NAALAD2: variants seen among roughly 807,000 people sequenced by gnomAD.
NAALAD2 encodes the protein N-acetylated alpha-linked acidic dipeptidase 2.
NAALAD2 carries 89 observed loss-of-function variants against 95.6 expected under a neutral mutation model. The observed-to-expected ratio is 0.93, with a 90% CI of 0.78 to 1.11. The LOEUF (loss-of-function observed/expected upper bound fraction) is 1.11, where lower values mean the gene tolerates loss of function less well. Among genes scored for constraint, NAALAD2 ranks in the 50% least tolerant of loss-of-function variants. The pLI, the probability that NAALAD2 is intolerant of heterozygous loss-of-function variation, is 0.00. For synonymous variants in NAALAD2, 264 were observed against 294.4 expected, an observed-to-expected ratio of 0.90 and a Z score of 1.06; for missense variants, 894 against 872.4, an observed-to-expected ratio of 1.02 and a Z score of -0.31.
chr11:90,181,917 C>T (rs908615694), intron 17 of NAALAD2, among the ~76,000 whole-genome samples: 3 of 151,870 alleles, frequency 2.0e-5, no homozygotes, highest in African/African-American at 7.3e-5. Context: ...TGCATTTTAA[C>T]TACCACCCCC....
chr11:90,180,641 A>T (rs1023602618), intron 16 of NAALAD2, among the ~76,000 whole-genome samples: 3 of 152,076 alleles, frequency 2.0e-5, no homozygotes, highest in African/African-American at 7.2e-5. Context: ...ATTTGCTTGC[A>T]CCACAGGATT....
chr11:90,172,398 T>C (rs1215762893), intron 13 of NAALAD2, among the ~76,000 whole-genome samples: 1 of 152,190 alleles, frequency 6.6e-6, no homozygotes, highest in African/African-American at 2.4e-5. Flanking sequence ...TTCACCACTG[T>C]TACCTTCTAC....
chr11:90,177,827 T>C (rs1952847637), intron 15 of NAALAD2, 26 bp from the exon 16 acceptor site: 5 of 1,580,352 alleles, frequency 3.2e-6, no homozygotes, highest in Non-Finnish European at 3.4e-6. Flanking sequence ...TGTTTATTTA[T>C]ACTTGCCTCT....
At chr11:90,185,189 A>C (rs1451844631) in intron 18 of NAALAD2, among the ~76,000 whole-genome samples, 1 of 151,512 alleles carries the variant, frequency 6.6e-6, no homozygotes, top group Non-Finnish European at 1.5e-5. Context: ...CTATATATGC[A>C]AATATTTCCA....
chr11:90,181,722 T>G, intron 17 of NAALAD2, 21 bp downstream of exon 17: 1 of 1,394,172 alleles, frequency 7.2e-7, no homozygotes, highest in Non-Finnish European at 9.7e-7. Context: ...AATCCCTTTT[T>G]TTTTAAAAAA....
Position 90,163,399 on chromosome 11 carries a change from G to T in NAALAD2, c.1165G>T (p.Ala389Ser), listed in dbSNP as rs546019162. Residue 389 changes from alanine (A) to serine (S), a missense_variant, in exon 10 of 19, where the codon GCC becomes TCC. Coordinates refer to ENST00000534061, the MANE Select transcript of NAALAD2 (RefSeq NM_005467.4). ...TSGVAVLQEI[A>S]RSFGKLMSKG... ...TGGGGTTGCTGTTTTGCAAGAAATT[G>T]CCCGGAGTTTTGGAAAACTGATGAG... 12 of 1,614,074 alleles carry T rather than the reference G, an allele frequency of 7.4e-6. No individual in the cohort carries two copies. In the African/African-American group the frequency reaches 9.3e-5, roughly 13 times the overall value.
intron 16 of NAALAD2, among the ~76,000 whole-genome samples, chr11:90,179,858 G>T (rs1565546294): frequency 6.6e-6 from 1 of 152,020 alleles, no homozygotes; most frequent in Non-Finnish European, 1.5e-5. Flanking sequence ...GGTTTGATCT[G>T]TTAATTCCTT....
chr11:90,171,023 C>A (rs945027723), intron 13 of NAALAD2, among the ~76,000 whole-genome samples: 1 of 152,090 alleles, frequency 6.6e-6, no homozygotes, highest in African/African-American at 2.4e-5. Flanking sequence ...TAAGTAGTTG[C>A]AAGTCTAAAG....
intron 2 of NAALAD2, among the ~76,000 whole-genome samples, chr11:90,142,224 G>C (rs946364813): frequency 5.3e-5 from 8 of 151,986 alleles, no homozygotes; most frequent in Non-Finnish European, 1.2e-4. Flanking sequence ...ACTAATTTGG[G>C]AGGGGGTCAA....
At chr11:90,146,616 C>T (rs891099998) in intron 2 of NAALAD2, among the ~76,000 whole-genome samples, 2 of 151,920 alleles carry the variant, frequency 1.3e-5, no homozygotes, top group African/African-American at 2.4e-5. Context: ...CCACCCTCCT[C>T]GGCCTCCCAA....
Position 90,192,823 on chromosome 11 carries a change from A to T in NAALAD2, c.*1076A>T. On this transcript the variant is annotated 3_prime_UTR_variant, in exon 19 of 19. Transcript: ENST00000534061. Reference sequence around the variant, plus strand: ...TATCAGAATCTGCAAACTTTTATGCAGATCCCAGTGACTCAATTACATGTT... The same window carrying T: ...TATCAGAATCTGCAAACTTTTATGCTGATCCCAGTGACTCAATTACATGTT... 1 of 152,030 alleles carries T rather than the reference A, an allele frequency of 6.6e-6. No individual in the cohort carries two copies. The highest frequency in any genetic ancestry group is 6.6e-5 in the Admixed American group (1 of 15,238). 9.4% of individuals were successfully genotyped at this position (152,030 alleles called of 1,614,324 possible).
At chr11:90,154,072 T>C (rs1217245234) in intron 6 of NAALAD2, among the ~76,000 whole-genome samples, 1 of 151,786 alleles carries the variant, frequency 6.6e-6, no homozygotes, top group Non-Finnish European at 1.5e-5. Flanking sequence ...TCTCTCTTTC[T>C]TTCTTTCTCT....
chr11:90,168,595 C>T (rs1952546085), intron 11 of NAALAD2, among the ~76,000 whole-genome samples: 2 of 152,158 alleles, frequency 1.3e-5, no homozygotes, highest in Non-Finnish European at 2.9e-5. Context: ...TAGGGCAGGG[C>T]CCTAGAATAT....
intron 13 of NAALAD2, among the ~76,000 whole-genome samples, chr11:90,171,718 G>T (rs1227107479): frequency 2.6e-5 from 4 of 152,150 alleles, no homozygotes; most frequent in African/African-American, 4.8e-5. Context: ...CCTAGTGTGT[G>T]TTAGCACAAA....
At chr11:90,168,098 C>T (rs1475748608) in intron 11 of NAALAD2, among the ~76,000 whole-genome samples, 6 of 150,980 alleles carry the variant, frequency 4.0e-5, no homozygotes, top group South Asian at 2.1e-4. Context: ...CAACTTTACT[C>T]GTGAAGCCAG....
intron 8 of NAALAD2, 30 bp from the exon 9 acceptor site, chr11:90,162,919 C>A (rs1480736851): frequency 1.0e-5 from 12 of 1,182,124 alleles, no homozygotes; most frequent in Admixed American, 2.1e-5. Context: ...ATTTGCTGTA[C>A]TAAGTAATTT....
Position 90,150,427 on chromosome 11 carries a change from GT to G in NAALAD2, c.484-44del, listed in dbSNP as rs5793433. On this transcript the variant is annotated intron_variant, in intron 4 of 18. Coordinates refer to ENST00000534061, the MANE Select transcript of NAALAD2 (RefSeq NM_005467.4). The stretch of plus-strand genomic sequence containing the variant: ...GTATTGTGAAGCAAACTTATTTTTT[GT>G]TTTTTTTTTTCTTTAATTTTAGCAG... 5,092 of 1,087,736 alleles carry G rather than the reference GT, an allele frequency of 4.7e-3. 5 individuals carry two copies. The highest frequency in any genetic ancestry group is 0.012 in the East Asian group (404 of 34,386). 67.4% of individuals were successfully genotyped at this position (1,087,736 alleles called of 1,614,324 possible).
rs1952268768 is a variant in NAALAD2 at position 90,160,700 on chromosome 11, A to G, written c.989+1363A>G. On this transcript the variant is annotated intron_variant, in intron 8 of 18. Coordinates refer to ENST00000534061, the MANE Select transcript of NAALAD2 (RefSeq NM_005467.4). ...ATAAAGCCCTTTCTGATTTACAAAC[A>G]GAAACATACAGACAGAGAAAACATA... Among the ~76,000 whole-genome samples, 3 of 152,224 alleles carry G rather than the reference A, an allele frequency of 2.0e-5. No individual in the cohort carries two copies. The South Asian group carries it at 6.2e-4, about 31-fold the overall frequency.
chr11:90,180,106 A>G (rs1952917308), intron 16 of NAALAD2, among the ~76,000 whole-genome samples: 1 of 151,914 alleles, frequency 6.6e-6, no homozygotes, highest in Non-Finnish European at 1.5e-5. Flanking sequence ...TACATAATCT[A>G]CACTCCCTGT....
Sources: allele counts gnomAD v4.1 joint callset (sites outside exome capture counted in the v4.1 genomes callset), GRCh38; gene constraint gnomAD v4.1.1; transcripts MANE v1.5; gene names NCBI Gene and HGNC (gene_info 2026-07-23, HGNC 2026-07-21).